Variants in TLE3 observed in about 807,000 individuals in gnomAD.
TLE3 encodes the protein TLE family member 3, transcriptional corepressor, also known as transducin-like enhancer protein 3.
Under a neutral mutation model 93.0 loss-of-function variants are expected in TLE3, and 14 were observed. The ratio of observed to expected loss-of-function variants is 0.15; its 90% CI spans 0.10 to 0.24. The LOEUF (loss-of-function observed/expected upper bound fraction) is 0.24. Among genes scored for constraint, TLE3 ranks in the 10% least tolerant of loss-of-function variants. The pLI is 1.00. For synonymous variants in TLE3, 451 were observed against 425.0 expected (o/e 1.06, Z -0.75); for missense variants, 693 against 1,046.6 (o/e 0.66, Z 4.66).
intron 2 of TLE3, 124 bp downstream of exon 2, chr15:70,096,037 G>A (rs980793229): frequency 8.9e-6 from 10 of 1,124,838 alleles, no homozygotes; most frequent in East Asian, 5.2e-5. Context: ...ACAAAAGGCG[G>A]AGGCCCGGGC....
rs893779460 is a variant in TLE3 at position 70,097,515 on chromosome 15, T to C, written c.-717A>G. On this transcript the variant is annotated 5_prime_UTR_variant, in exon 1 of 20. Transcript: ENST00000451782. ...GGCCGGGGAGGAACTCCGGGCTCAG[T>C]AGGTGCAAATCAAACGCCCTGGCAT... 2.2e-5 allele frequency: 9 copies of C among 404,794 alleles called. No homozygotes were observed. Among genetic ancestry groups the C allele is most frequent in the African/African-American group, 6.2e-5 (3 of 48,562 alleles). 25.1% of individuals were successfully genotyped at this position (404,794 alleles called of 1,614,324 possible). A position where few individuals can be genotyped will look rare whatever the true frequency, so the allele number is the denominator to read the frequency against.
rs780967130 is a variant in TLE3, at chr15:70,096,862, G to A, written c.-64C>T. ...CGAGAGCCCGGGCCGGGGAGGTGCG[G>A]GGGAGGGGGGAGCCGAGCCCGAGCG... On this transcript the variant is annotated 5_prime_UTR_variant, in exon 1 of 20. Coordinates refer to ENST00000451782, the MANE Select transcript of TLE3 (RefSeq NM_001105192.3). 3.5e-5 allele frequency: 55 copies of A among 1,582,210 alleles called. No individual in the cohort carries two copies. The highest frequency in any genetic ancestry group is 2.6e-6 in the Non-Finnish European group (3 of 1,164,026).
rs1453862796 is a variant in TLE3 at position 70,096,761 on chromosome 15, T to G, written c.24+14A>C. 8.1e-6 allele frequency: 13 copies of G among 1,613,126 alleles called. No homozygotes were observed. The highest frequency in any genetic ancestry group is 1.7e-5 in the Admixed American group (1 of 59,948). The stretch of plus-strand genomic sequence containing the variant: ...ATGATAGATGCTTAAATAAACCGAG[T>G]TGCAATTACTCACCGGATGTCTGCC... On this transcript the variant is annotated intron_variant, in intron 1 of 19. Coordinates refer to ENST00000451782, the MANE Select transcript of TLE3 (RefSeq NM_001105192.3).
At chr15:70,096,734 C>T (rs768249182) in intron 1 of TLE3, 41 bp downstream of exon 1, 1 of 1,610,550 alleles carries the variant, frequency 6.2e-7, no homozygotes, top group Non-Finnish European at 8.5e-7. Flanking sequence ...GTTTACCCTG[C>T]CATGATAGAT....
At chr15:70,095,471 C>T in intron 3 of TLE3, 107 bp downstream of exon 3, 1 of 1,544,822 alleles carries the variant, frequency 6.5e-7, no homozygotes, top group Non-Finnish European at 8.7e-7. Flanking sequence ...GGCCGCCCTG[C>T]GGCTGGGCGG....
chr15:70,053,220 C>A lies in TLE3; in HGVS notation c.1974+7G>T, dbSNP rs751273468. ...CTTTGGGAAGGGAGGAGTCTTGGGC[C>A]GCACACCTGGGAAGTGAAGTCATGC... On this transcript the variant is annotated splice_region_variant and intron_variant, in intron 17 of 19. Coordinates refer to ENST00000451782, the MANE Select transcript of TLE3 (RefSeq NM_001105192.3). The A allele has an allele frequency of 2.5e-6, 4 of 1,606,888 alleles. No homozygotes were observed. In the East Asian group the frequency reaches 9.0e-5, roughly 36 times the overall value.
chr15:70,093,962 C>A (rs2058429559), intron 4 of TLE3, among the ~76,000 whole-genome samples: 1 of 152,150 alleles, frequency 6.6e-6, no homozygotes, highest in South Asian at 2.1e-4. Flanking sequence ...CAAATCAAGA[C>A]AGGGATGAGA....
intron 6 of TLE3, among the ~76,000 whole-genome samples, chr15:70,067,669 T>C (rs1050519420): frequency 6.6e-6 from 1 of 152,208 alleles, no homozygotes; most frequent in African/African-American, 2.4e-5. Context: ...TGAAGGCCCA[T>C]GGCTCTGGCA....
At chr15:70,057,367 G>A in intron 13 of TLE3, 92 bp downstream of exon 13, 2 of 1,434,486 alleles carry the variant, frequency 1.4e-6, no homozygotes, top group Non-Finnish European at 9.3e-7. Context: ...AGACCCTGAG[G>A]GGCCCCTTTA....
At chr15:70,066,388 A>C (rs371195653) in intron 6 of TLE3, among the ~76,000 whole-genome samples, 170 bp from the exon 7 acceptor site, 9 of 152,198 alleles carry the variant, frequency 5.9e-5, no homozygotes, top group African/African-American at 2.2e-4. Context: ...GTTCACATGA[A>C]TGTCTCGCTG....
At chr15:70,095,259 C>G in intron 3 of TLE3, 1 of 1,231,370 alleles carries the variant, frequency 8.1e-7, no homozygotes, top group Non-Finnish European at 1.0e-6. Context: ...TCCTATCTTA[C>G]TAGCCAAGAT....
intron 8 of TLE3, among the ~76,000 whole-genome samples, chr15:70,062,768 G>A (rs959099455): frequency 3.3e-5 from 5 of 151,384 alleles, no homozygotes; most frequent in African/African-American, 9.7e-5. Context: ...CTACACCGCC[G>A]CTGACACCGT....
rs147671529 is a variant in TLE3, at chr15:70,058,026, GTCCC to G, written c.1051+129_1051+132del. On this transcript the variant is annotated intron_variant, in intron 12 of 19. Coordinates refer to ENST00000451782, the MANE Select transcript of TLE3 (RefSeq NM_001105192.3). This position sits in a 1 kb window ranked among gnomAD's most constrained non-coding sequence, Gnocchi z 4.1. ...TCACCTCCTCAAATCTGACCGTGAA[GTCCC>G]CAGGGGCAGGCCCTGGGAGACACTG... 1.0e-3 allele frequency: 1,432 copies of G among 1,386,884 alleles called. 10 individuals are homozygous for G. In the African/African-American group the frequency reaches 0.019, roughly 18 times the overall value. 85.9% of individuals were successfully genotyped at this position (1,386,884 alleles called of 1,614,324 possible).
chr15:70,051,304 TTCCTGCTGCTATCCTCAC>T, intron 19 of TLE3, 69 bp downstream of exon 19: 1 of 1,347,142 alleles, frequency 7.4e-7, no homozygotes, highest in Non-Finnish European at 1.0e-6. Flanking sequence ...CCTCCTGTTC[TTCCTGCTGCTATCCTCAC>T]TCCCATCACC....
At chr15:70,079,438 C>G (rs78212770) in intron 4 of TLE3, 12,983 of 427,196 alleles carry the variant, frequency 0.03, 749 homozygotes, top group East Asian at 0.24. Context: ...GTTCTCCCAA[C>G]GTAAACCCAG....
intron 1 of TLE3, 196 bp from the exon 2 acceptor site, chr15:70,096,457 T>C (rs2058567651): frequency 6.0e-6 from 7 of 1,169,890 alleles, no homozygotes; most frequent in Non-Finnish European, 8.2e-6. Context: ...GGGGCTCCCA[T>C]GCCTTTCACC....
chr15:70,070,076 A>T (rs2057055634), intron 6 of TLE3, among the ~76,000 whole-genome samples: 1 of 152,230 alleles, frequency 6.6e-6, no homozygotes, highest in Non-Finnish European at 1.5e-5. Context: ...GAACTCCTCC[A>T]TCCACAATAT....
chr15:70,065,974 CCCCTG>C, intron 7 of TLE3, 35 bp downstream of exon 7: 5 of 1,213,392 alleles, frequency 4.1e-6, no homozygotes, highest in Non-Finnish European at 6.1e-6. Context: ...CCCATGCCCA[CCCCTG>C]CCCCGCCCCA....
chr15:70,083,590 C>T (rs2057897598), intron 4 of TLE3, among the ~76,000 whole-genome samples: 1 of 143,420 alleles, frequency 7.0e-6, no homozygotes, highest in Non-Finnish European at 1.5e-5. Context: ...CCTTCCCAGA[C>T]TCCATTGGCC....
Sources: allele counts gnomAD v4.1 joint callset (sites outside exome capture counted in the v4.1 genomes callset), GRCh38; gene constraint gnomAD v4.1.1; non-coding constraint Gnocchi (gnomAD v3.1); transcripts MANE v1.5; gene names NCBI Gene and HGNC (gene_info 2026-07-23, HGNC 2026-07-21).